ARHGAP6: variants seen among roughly 807,000 people sequenced by gnomAD.
ARHGAP6 encodes the protein Rho GTPase activating protein 6.
A neutral mutation model predicts 55.7 loss-of-function variants in ARHGAP6; 16 were observed. That is an observed-to-expected ratio of 0.29 (90% CI 0.19 to 0.44). ARHGAP6 has a LOEUF of 0.44. Ranked by LOEUF, ARHGAP6 falls within the 20% of genes least tolerant of loss-of-function variation. The pLI is 1.00. For missense variants in ARHGAP6, 698 were observed against 808.9 expected (o/e 0.86, Z 1.66); for synonymous variants, 382 against 360.9 (o/e 1.06, Z -0.66).
chrX:11,329,443 A>C (rs1221825823), intron 1 of ARHGAP6, among the ~76,000 whole-genome samples: 1 of 112,447 alleles, frequency 8.9e-6, no homozygotes, highest in African/African-American at 3.2e-5. Flanking sequence ...CCTGACTTTA[A>C]GTAATTAATG....
intron 1 of ARHGAP6, chrX:11,427,458 G>A: frequency 2.2e-6 from 2 of 899,063 alleles, no homozygotes; most frequent in Non-Finnish European, 2.8e-6. Context: ...GGACCTGTGG[G>A]GAGCCCCGAC....
At chrX:11,294,642 A>C in intron 1 of ARHGAP6, 3 of 676,635 alleles carry the variant, frequency 4.4e-6, no homozygotes, top group Non-Finnish European at 4.8e-6. Flanking sequence ...CATATGACTG[A>C]AGTAAATTCA....
At chrX:11,262,216 C>CA (rs747336303) in intron 1 of ARHGAP6, among the ~76,000 whole-genome samples, 3 of 110,328 alleles carry the variant, frequency 2.7e-5, no homozygotes, top group South Asian at 7.7e-4. Context: ...AGAAGCAAAC[C>CA]AAAAAAAGTT....
At chrX:11,325,678 A>C (rs1349131885) in intron 1 of ARHGAP6, among the ~76,000 whole-genome samples, 1 of 112,482 alleles carries the variant, frequency 8.9e-6, no homozygotes, top group South Asian at 3.7e-4. Flanking sequence ...ATTATCTAAA[A>C]TATACCTCAT....
chrX:11,332,767 A>C (rs1185461929), intron 1 of ARHGAP6, among the ~76,000 whole-genome samples: 5 of 112,280 alleles, frequency 4.5e-5, no homozygotes, highest in Non-Finnish European at 9.4e-5. Context: ...TTTAGAATTC[A>C]CAAGTTTTAC....
chrX:11,446,583 G>A (rs748596170), intron 1 of ARHGAP6, among the ~76,000 whole-genome samples: 54 of 111,239 alleles, frequency 4.9e-4, no homozygotes, highest in African/African-American at 1.3e-3. Flanking sequence ...CTGACATTCC[G>A]TTCCTTTTCT....
intron 1 of ARHGAP6, among the ~76,000 whole-genome samples, chrX:11,655,834 T>G (rs1220021556): frequency 8.9e-6 from 1 of 112,634 alleles, no homozygotes; most frequent in Admixed American, 9.3e-5. Flanking sequence ...CTGGGAGAAC[T>G]GCTATCTGCA....
chrX:11,375,824 G>C (rs1171985451), intron 1 of ARHGAP6, among the ~76,000 whole-genome samples: 1 of 112,086 alleles, frequency 8.9e-6, no homozygotes, highest in Non-Finnish European at 1.9e-5. Flanking sequence ...CAGAAAAAGA[G>C]ATTGACTCAA....
intron 1 of ARHGAP6, among the ~76,000 whole-genome samples, chrX:11,574,580 A>G (rs1228917455): frequency 9.1e-6 from 1 of 109,815 alleles, no homozygotes; most frequent in African/African-American, 3.3e-5. Context: ...GTATCTCAAA[A>G]TAATAAGAGC....
At chrX:11,150,744 G>A (rs1166072802) in intron 10 of ARHGAP6, among the ~76,000 whole-genome samples, 1 of 111,564 alleles carries the variant, frequency 9.0e-6, no homozygotes, top group Non-Finnish European at 1.9e-5. Flanking sequence ...AACCATGGTC[G>A]TGCCACTGCA....
intron 1 of ARHGAP6, among the ~76,000 whole-genome samples, chrX:11,441,699 G>A (rs2050040540): frequency 8.9e-6 from 1 of 111,732 alleles, no homozygotes; most frequent in Non-Finnish European, 1.9e-5. Context: ...TCACAAAATC[G>A]AGAGTCATGA....
At chrX:11,210,916 T>G (rs748536967) in intron 2 of ARHGAP6, among the ~76,000 whole-genome samples, 18 of 112,336 alleles carry the variant, frequency 1.6e-4, no homozygotes, top group Non-Finnish European at 2.8e-4. Flanking sequence ...AAAAATTATA[T>G]TTCTATCAAT....
intron 2 of ARHGAP6, among the ~76,000 whole-genome samples, chrX:11,229,567 T>C: frequency 8.9e-6 from 1 of 112,575 alleles, no homozygotes; most frequent in Non-Finnish European, 1.9e-5. Context: ...ATCTAAAATC[T>C]TGTATGATGA....
chrX:11,235,238 C>T, intron 2 of ARHGAP6, among the ~76,000 whole-genome samples: 1 of 113,410 alleles, frequency 8.8e-6, no homozygotes, highest in Non-Finnish European at 1.9e-5. Flanking sequence ...ACCAACACCA[C>T]ATGTAAGCTG....
intron 1 of ARHGAP6, among the ~76,000 whole-genome samples, chrX:11,573,030 G>A (rs1326162925): frequency 5.4e-5 from 6 of 111,106 alleles, no homozygotes; most frequent in African/African-American, 2.0e-4. Context: ...ACTTTTTGAT[G>A]GGGTTGTTTT....
intron 1 of ARHGAP6, among the ~76,000 whole-genome samples, chrX:11,474,535 T>C (rs1219888457): frequency 8.9e-6 from 1 of 112,387 alleles, no homozygotes; most frequent in Non-Finnish European, 1.9e-5. Context: ...AGAAGCCCTT[T>C]TTCTTAGTCA....
chrX:11,146,468 G>T (rs1459093633), intron 10 of ARHGAP6, among the ~76,000 whole-genome samples: 1 of 112,196 alleles, frequency 8.9e-6, no homozygotes, highest in Non-Finnish European at 1.9e-5. Context: ...AATGAGAGAC[G>T]ATGTCTTCTT....
At chrX:11,516,483 A>G (rs1362550412) in intron 1 of ARHGAP6, among the ~76,000 whole-genome samples, 2 of 111,834 alleles carry the variant, frequency 1.8e-5, no homozygotes, top group Non-Finnish European at 3.8e-5. Context: ...CTAAAAATAT[A>G]TTTTCAATAT....
chrX:11,316,714 GC>G (rs775138044), intron 1 of ARHGAP6, among the ~76,000 whole-genome samples: 1 of 111,925 alleles, frequency 8.9e-6, no homozygotes, highest in South Asian at 3.7e-4. Context: ...CCAACCCTCA[GC>G]CCCACCCCCA....
Sources: allele counts gnomAD v4.1 joint callset (sites outside exome capture counted in the v4.1 genomes callset), GRCh38; gene constraint gnomAD v4.1.1; transcripts MANE v1.5; gene names NCBI Gene and HGNC (gene_info 2026-07-23, HGNC 2026-07-21).